Variants in FRMD4A observed in about 807,000 individuals in gnomAD.
FRMD4A encodes the protein FERM domain containing 4A, also known as FERM domain-containing protein 4A.
In FRMD4A, 29 loss-of-function variants were observed where a neutral mutation model predicts 129.1. The observed-to-expected ratio is 0.22, with a 90% CI of 0.17 to 0.31. The LOEUF is 0.31. FRMD4A is among the 10% of genes least tolerant of loss of function. FRMD4A has a pLI of 1.00. For missense variants in FRMD4A, 1,272 were observed against 1,375.8 expected, an observed-to-expected ratio of 0.92 and a Z score of 1.19; for synonymous variants, 634 against 571.6, an observed-to-expected ratio of 1.11 and a Z score of -1.56.
At chr10:14,147,260 T>C (rs982618797) in intron 2 of FRMD4A, among the ~76,000 whole-genome samples, 2 of 152,054 alleles carry the variant, frequency 1.3e-5, no homozygotes, top group Admixed American at 1.3e-4. Flanking sequence ...ACCCTGATGG[T>C]CATTATATTC....
At chr10:14,085,141 CA>C (rs35253334) in intron 2 of FRMD4A, among the ~76,000 whole-genome samples, 29,799 of 152,118 alleles carry the variant, frequency 0.2, 3,639 homozygotes, top group East Asian at 0.37. Context: ...AAGTGTTCAT[CA>C]CATGCTCTGG....
intron 2 of FRMD4A, among the ~76,000 whole-genome samples, chr10:14,309,638 T>C (rs919887857): frequency 6.6e-6 from 1 of 152,252 alleles, no homozygotes; most frequent in Admixed American, 6.5e-5. Flanking sequence ...AAGGCTTCAC[T>C]GAGCAGCATT....
intron 21 of FRMD4A, among the ~76,000 whole-genome samples, chr10:13,657,767 C>A (rs2082292224): frequency 6.8e-6 from 1 of 146,764 alleles, no homozygotes; most frequent in African/African-American, 2.6e-5. Flanking sequence ...CTAGGACTCA[C>A]AGAAAGGTTT....
At chr10:14,295,874 A>G (rs1169337356) in intron 2 of FRMD4A, among the ~76,000 whole-genome samples, 2 of 152,204 alleles carry the variant, frequency 1.3e-5, no homozygotes, top group Non-Finnish European at 2.9e-5. Flanking sequence ...CTCAAAAATA[A>G]TTTAAGAAAA....
Position 13,827,916 on chromosome 10 carries a change from C to A in FRMD4A, c.112-17008G>T, listed in dbSNP as rs1421983622. On this transcript the variant is annotated intron_variant, in intron 3 of 24. Coordinates refer to ENST00000357447, the MANE Select transcript of FRMD4A (RefSeq NM_018027.5). ...CAACTGCTGTCTGGCTGCTCCGAGC[C>A]CCTTGGGCTCGAAGCCCCTCCCCTG... is the stretch of plus-strand genomic sequence containing the variant. 5.9e-5 allele frequency among the ~76,000 whole-genome samples: 9 copies of A among 152,266 alleles called. No homozygotes were observed. The East Asian group carries it at 1.2e-3, about 20-fold the overall frequency.
intron 2 of FRMD4A, among the ~76,000 whole-genome samples, chr10:14,172,139 A>G (rs1207437047): frequency 6.6e-6 from 1 of 152,216 alleles, no homozygotes; most frequent in African/African-American, 2.4e-5. Flanking sequence ...CAATATGGAA[A>G]TATCCATTTC....
At chr10:14,326,605 T>A in intron 2 of FRMD4A, 1 of 384,136 alleles carries the variant, frequency 2.6e-6, no homozygotes, top group Non-Finnish European at 4.6e-6. Context: ...AATCTAGCTG[T>A]CCTGAAGGTG....
At chr10:13,723,830 A>T (rs2089666956) in intron 12 of FRMD4A, among the ~76,000 whole-genome samples, 1 of 152,200 alleles carries the variant, frequency 6.6e-6, no homozygotes. Flanking sequence ...TGGAGAGCTT[A>T]ATAGGTATCC....
At chr10:14,015,891 G>T (rs2095697595) in intron 2 of FRMD4A, among the ~76,000 whole-genome samples, 1 of 152,242 alleles carries the variant, frequency 6.6e-6, no homozygotes, top group East Asian at 1.9e-4. Context: ...AAGACAAAAG[G>T]ACTGAGGTAC....
intron 2 of FRMD4A, among the ~76,000 whole-genome samples, chr10:14,010,613 G>T (rs1294047473): frequency 1.4e-5 from 2 of 146,784 alleles, no homozygotes; most frequent in Non-Finnish European, 3.0e-5. Context: ...TGATTGTCTT[G>T]CCATGGGTGT....
At chr10:13,835,360 G>A (rs976888864) in intron 3 of FRMD4A, among the ~76,000 whole-genome samples, 11 of 152,212 alleles carry the variant, frequency 7.2e-5, no homozygotes, top group African/African-American at 2.6e-4. Flanking sequence ...TTTTATATGT[G>A]GTTATATACC....
intron 2 of FRMD4A, among the ~76,000 whole-genome samples, chr10:14,259,221 T>C (rs1022658868): frequency 4.6e-5 from 7 of 152,068 alleles, no homozygotes; most frequent in Admixed American, 2.0e-4. Context: ...CAATAAGAAG[T>C]ACTTGTAATA....
chr10:13,925,063 A>T (rs993426098), intron 2 of FRMD4A, among the ~76,000 whole-genome samples: 16 of 28,058 alleles, frequency 5.7e-4, no homozygotes, highest in African/African-American at 2.5e-3. Context: ...GACTCCGTGT[A>T]AAAAAAAAAA....
chr10:13,919,370 T>C (rs1340042973), intron 2 of FRMD4A, among the ~76,000 whole-genome samples: 2 of 152,156 alleles, frequency 1.3e-5, no homozygotes, highest in Admixed American at 1.3e-4. Flanking sequence ...CCCATTTTAT[T>C]TCTGGGTAGT....
chr10:14,025,340 A>G (rs531923010), intron 2 of FRMD4A, among the ~76,000 whole-genome samples: 130 of 152,248 alleles, frequency 8.5e-4, no homozygotes, highest in African/African-American at 2.8e-3. Context: ...ATTGTGGTAA[A>G]ATATACCTCA....
At chr10:13,763,344 G>A (rs2092151699) in intron 6 of FRMD4A, among the ~76,000 whole-genome samples, 1 of 152,110 alleles carries the variant, frequency 6.6e-6, no homozygotes, top group Non-Finnish European at 1.5e-5. Flanking sequence ...TTCTTGAAAG[G>A]CTGTTTTTTG....
At position 13,657,247 on chromosome 10, in the gene FRMD4A, T is replaced by C. The variant is rs2082244453; in HGVS notation, c.2342A>G (p.Gln781Arg). The change falls in exon 22 of 25, where the codon CAG becomes CGG. Residue 781 changes from glutamine to arginine, a missense_variant. Around this residue, in one of 2 missense-constraint regions of FRMD4A, gnomAD observed 972 missense variants for 892.3 expected, o/e 1.09. Coordinates refer to ENST00000357447, the MANE Select transcript of FRMD4A (RefSeq NM_018027.5). ...LAEDSPSKAR[Q>R]RQRQRQRAAG... is the part of the protein sequence containing the mutation. ...CGCCCGCTGCCGCTGCCTCTGCCTC[T>C]GGCGCGCCTTGGACGGCGAGTCCTC... The C allele has an allele frequency of 1.3e-6, 2 of 1,590,764 alleles. No homozygotes were observed. Among genetic ancestry groups the C allele is most frequent in the Non-Finnish European group, 1.7e-6 (2 of 1,172,750 alleles).
intron 2 of FRMD4A, among the ~76,000 whole-genome samples, chr10:14,297,124 T>C (rs1846034828): frequency 6.8e-6 from 1 of 147,948 alleles, no homozygotes; most frequent in Non-Finnish European, 1.5e-5. Context: ...TCTTTTCAGA[T>C]GTTCTCTTTC....
intron 2 of FRMD4A, among the ~76,000 whole-genome samples, chr10:14,166,105 C>G (rs1056480551): frequency 2.0e-5 from 3 of 150,798 alleles, no homozygotes; most frequent in Non-Finnish European, 4.4e-5. Flanking sequence ...TATTTGATAA[C>G]TAATATATAA....
Sources: allele counts gnomAD v4.1 joint callset (sites outside exome capture counted in the v4.1 genomes callset), GRCh38; gene constraint gnomAD v4.1.1; regional missense constraint gnomAD v4.1.1; transcripts MANE v1.5; gene names NCBI Gene and HGNC (gene_info 2026-07-23, HGNC 2026-07-21).